HECW1: variants seen among roughly 807,000 people sequenced by gnomAD.
HECW1 encodes the protein HECT, C2 and WW domain containing E3 ubiquitin protein ligase 1.
Under a neutral mutation model 182.3 loss-of-function variants are expected in HECW1, and 61 were observed. The ratio of observed to expected loss-of-function variants is 0.33; its 90% CI spans 0.27 to 0.41. The LOEUF (loss-of-function observed/expected upper bound fraction) is 0.41. Among genes scored for constraint, HECW1 ranks in the 10% least tolerant of loss-of-function variants. The probability of loss-of-function intolerance (pLI) is 1.00; values close to 1 mark genes in which losing one functional copy is unlikely to be tolerated. For missense variants in HECW1, 1,739 were observed against 2,108.9 expected, an observed-to-expected ratio of 0.82 and a Z score of 3.44; for synonymous variants, 859 against 832.6, an observed-to-expected ratio of 1.03 and a Z score of -0.55.
At chr7:43,552,051 A>T (rs924492057) in intron 27 of HECW1, among the ~76,000 whole-genome samples, 171 bp from the exon 28 acceptor site, 3 of 152,228 alleles carry the variant, frequency 2.0e-5, no homozygotes, top group Non-Finnish European at 2.9e-5. Context: ...AAGGAAAAGG[A>T]TATAAACATT....
At chr7:43,474,709 G>A (rs2078156793) in intron 16 of HECW1, among the ~76,000 whole-genome samples, 1 of 152,160 alleles carries the variant, frequency 6.6e-6, no homozygotes, top group Non-Finnish European at 1.5e-5. Context: ...ATAACTTTAT[G>A]TGAATGAAAC....
At chr7:43,269,088 C>CAT (rs1562761693) in intron 3 of HECW1, among the ~76,000 whole-genome samples, 1 of 152,176 alleles carries the variant, frequency 6.6e-6, no homozygotes, top group Non-Finnish European at 1.5e-5. Flanking sequence ...CTCTCCCTCA[C>CAT]CACTGAAATA....
intron 3 of HECW1, among the ~76,000 whole-genome samples, chr7:43,304,291 A>T (rs1332829929): frequency 6.6e-6 from 1 of 151,880 alleles, no homozygotes; most frequent in Non-Finnish European, 1.5e-5. Context: ...CTGCATCCGG[A>T]CACCTGACCC....
At chr7:43,408,718 C>G (rs1006493520) in intron 8 of HECW1, among the ~76,000 whole-genome samples, 7 of 152,072 alleles carry the variant, frequency 4.6e-5, no homozygotes, top group Non-Finnish European at 7.4e-5. Flanking sequence ...GTCATCACCA[C>G]CCATTTGGCT....
At chr7:43,485,002 A>G (rs1222533466) in intron 17 of HECW1, among the ~76,000 whole-genome samples, 1 of 152,236 alleles carries the variant, frequency 6.6e-6, no homozygotes, top group East Asian at 1.9e-4. Flanking sequence ...AGTTGACATC[A>G]ATAAGGAAGG....
chr7:43,134,308 C>G (rs182894893), intron 2 of HECW1, among the ~76,000 whole-genome samples: 1 of 147,472 alleles, frequency 6.8e-6, no homozygotes, highest in African/African-American at 2.5e-5. Context: ...GCAGAAGAAC[C>G]GCTTGAACCC....
intron 2 of HECW1, among the ~76,000 whole-genome samples, chr7:43,223,511 C>T (rs1027434635): frequency 4.6e-5 from 7 of 151,904 alleles, no homozygotes; most frequent in East Asian, 1.9e-4. Flanking sequence ...GCCAGCTACT[C>T]GGGAGGCCGA....
intron 13 of HECW1, among the ~76,000 whole-genome samples, chr7:43,458,540 A>G (rs993679211): frequency 1.3e-5 from 2 of 152,262 alleles, no homozygotes; most frequent in Admixed American, 1.3e-4. Flanking sequence ...TGCATTTGCT[A>G]CATCCATCTG....
chr7:43,386,296 C>T (rs1252930653), intron 6 of HECW1, among the ~76,000 whole-genome samples: 1 of 152,236 alleles, frequency 6.6e-6, no homozygotes, highest in East Asian at 1.9e-4. Flanking sequence ...TGAGCACATA[C>T]ACCACAGAGG....
intron 2 of HECW1, among the ~76,000 whole-genome samples, chr7:43,134,393 CAAA>C (rs35414360): frequency 9.1e-5 from 8 of 87,766 alleles, no homozygotes; most frequent in East Asian, 3.4e-4. Flanking sequence ...GACTCTGTCT[CAAA>C]AAAAAAAAAA....
At chr7:43,493,664 A>T (rs1005215962) in intron 19 of HECW1, among the ~76,000 whole-genome samples, 1 of 152,204 alleles carries the variant, frequency 6.6e-6, no homozygotes, top group African/African-American at 2.4e-5. Flanking sequence ...TCTGAATCAC[A>T]TGTGGAAGGG....
At chr7:43,392,246 C>T (rs181781461) in intron 6 of HECW1, among the ~76,000 whole-genome samples, 9 of 152,216 alleles carry the variant, frequency 5.9e-5, no homozygotes, top group Admixed American at 4.6e-4. Context: ...ACCTTGTCAG[C>T]ATGTTTAGGG....
chr7:43,311,726 T>A (rs1297822757), intron 3 of HECW1, 37 bp from the exon 4 acceptor site: 1 of 1,596,396 alleles, frequency 6.3e-7, no homozygotes, highest in Admixed American at 1.7e-5. Context: ...GTTGCCGGCG[T>A]GCCCTGACCC....
intron 8 of HECW1, among the ~76,000 whole-genome samples, chr7:43,418,165 G>C (rs961870918): frequency 3.3e-5 from 5 of 151,994 alleles, no homozygotes; most frequent in Non-Finnish European, 4.4e-5. Context: ...CTTCTTAGAG[G>C]GACATCAGTC....
intron 3 of HECW1, among the ~76,000 whole-genome samples, chr7:43,284,615 C>A (rs140200792): frequency 1.4e-4 from 21 of 152,040 alleles, no homozygotes; most frequent in African/African-American, 4.6e-4. Context: ...TCTACAGTTA[C>A]CCTGTTGTAC....
intron 6 of HECW1, among the ~76,000 whole-genome samples, chr7:43,395,938 G>A (rs34085305): frequency 0.3 from 45,884 of 152,022 alleles, 7,773 homozygotes; most frequent in Middle Eastern, 0.45. Flanking sequence ...GAGACTCTGA[G>A]CAAGAGATTA....
chr7:43,345,805 C>T (rs71537737), intron 5 of HECW1, among the ~76,000 whole-genome samples: 82,238 of 124,154 alleles, frequency 0.66, 23,348 homozygotes, highest in Middle Eastern at 0.79. Flanking sequence ...TATATACACA[C>T]ACACACACAC....
In HECW1 at chr7:43,215,627, CTT is replaced by C. The variant is rs556883786; in HGVS notation, c.-31-28246_-31-28245del. ...GCAGTCAGAAAATGTTATCACCACT[CTT>C]TATGCATTTCATAATTTATCAAGGT... On this transcript the variant is annotated intron_variant, in intron 2 of 29. Coordinates refer to ENST00000395891, the MANE Select transcript of HECW1 (RefSeq NM_015052.5). Among the ~76,000 whole-genome samples, 195 of 152,310 alleles carry C rather than the reference CTT, an allele frequency of 1.3e-3. 1 individual carries two copies. Among genetic ancestry groups the C allele is most frequent in the African/African-American group, 4.1e-3 (170 of 41,576 alleles).
At chr7:43,437,777 C>T (rs1033648382) in intron 8 of HECW1, among the ~76,000 whole-genome samples, 1 of 152,186 alleles carries the variant, frequency 6.6e-6, no homozygotes, top group African/African-American at 2.4e-5. Context: ...GCTGATTTTA[C>T]TGCTTGAATC....
Sources: gnomAD v4.1 joint callset for allele counts (sites outside exome capture counted in the v4.1 genomes callset) on GRCh38, gnomAD v4.1.1 for gene constraint, MANE v1.5 for transcripts, NCBI Gene and HGNC (gene_info 2026-07-23, HGNC 2026-07-21) for gene names.